The following EGLN1 variants were observed in gnomAD, a reference collection of about 807,000 sequenced individuals.
The protein encoded by EGLN1 is egl-9 family hypoxia inducible factor 1.
EGLN1 carries 17 observed loss-of-function variants against 38.3 expected under a neutral mutation model. The observed-to-expected ratio is 0.44, with a 90% CI of 0.30 to 0.67. The LOEUF is 0.67. EGLN1 is among the 30% of genes least tolerant of loss of function. The probability of loss-of-function intolerance (pLI) is 0.08; values close to 1 mark genes in which losing one functional copy is unlikely to be tolerated. For synonymous variants in EGLN1, 283 were observed against 257.5 expected, an observed-to-expected ratio of 1.10 and a Z score of -0.95; for missense variants, 477 against 603.3, an observed-to-expected ratio of 0.79 and a Z score of 2.19.
intron 2 of EGLN1, 71 bp downstream of exon 2, chr1:231,373,909 G>T: frequency 1.3e-6 from 2 of 1,551,136 alleles, no homozygotes; most frequent in Non-Finnish European, 1.8e-6. Flanking sequence ...CTTATCAGAA[G>T]TATGAAACTT....
intron 1 of EGLN1, among the ~76,000 whole-genome samples, chr1:231,412,401 T>C (rs1688976895): frequency 6.6e-6 from 1 of 152,220 alleles, no homozygotes; most frequent in South Asian, 2.1e-4. Flanking sequence ...CATTTTGACA[T>C]TGAATCTAAA....
rs188705272 is a variant in EGLN1 at position 231,386,385 on chromosome 1, A to G, written c.892-12286T>C. On this transcript the variant is annotated intron_variant, in intron 1 of 4. Coordinates refer to ENST00000366641, the MANE Select transcript of EGLN1 (RefSeq NM_022051.3). ...CTTGTTTTAAGAGCTGAAGTGTTTA[A>G]TCTTTGCATCCATACCACTGCGGGA... 2.6e-4 allele frequency among the ~76,000 whole-genome samples: 39 copies of G among 152,332 alleles called. No homozygotes were observed. The East Asian group carries it at 7.1e-3, about 28-fold the overall frequency.
intron 1 of EGLN1, among the ~76,000 whole-genome samples, chr1:231,419,130 A>C (rs1656463511): frequency 6.6e-6 from 1 of 152,178 alleles, no homozygotes; most frequent in African/African-American, 2.4e-5. Flanking sequence ...ATATAAGCAG[A>C]TCAAATCCAA....
chr1:231,379,031 C>T (rs1411423659), intron 1 of EGLN1, among the ~76,000 whole-genome samples: 1 of 152,126 alleles, frequency 6.6e-6, no homozygotes, highest in East Asian at 1.9e-4. Context: ...CAATTTCTCC[C>T]CCCATTTTAG....
At chr1:231,367,111 T>C (rs1251393743) in intron 4 of EGLN1, among the ~76,000 whole-genome samples, 1 of 152,216 alleles carries the variant, frequency 6.6e-6, no homozygotes, top group Non-Finnish European at 1.5e-5. Context: ...CTGTGTCATT[T>C]ACTGATTTTG....
At chr1:231,394,288 G>C (rs1688461567) in intron 1 of EGLN1, among the ~76,000 whole-genome samples, 2 of 151,838 alleles carry the variant, frequency 1.3e-5, no homozygotes, top group Admixed American at 6.6e-5. Context: ...GGCAATTTCT[G>C]TATTTCTGGT....
chr1:231,409,799 T>C (rs1393837707), intron 1 of EGLN1, among the ~76,000 whole-genome samples: 2 of 152,208 alleles, frequency 1.3e-5, no homozygotes, highest in East Asian at 1.9e-4. Flanking sequence ...TTCTTTATTT[T>C]CTCACCTGTC....
chr1:231,389,041 C>G (rs1251700850), intron 1 of EGLN1, among the ~76,000 whole-genome samples: 11 of 152,162 alleles, frequency 7.2e-5, no homozygotes, highest in African/African-American at 2.7e-4. Context: ...GGAAAATATA[C>G]AGCTCATACA....
At chr1:231,420,793 G>C (rs1053042882) in intron 1 of EGLN1, among the ~76,000 whole-genome samples, 5 of 152,142 alleles carry the variant, frequency 3.3e-5, no homozygotes, top group Admixed American at 6.5e-5. Flanking sequence ...CGGGCAGTAA[G>C]TGGAAAACAG....
At chr1:231,406,557 GA>G (rs1221769756) in intron 1 of EGLN1, among the ~76,000 whole-genome samples, 3 of 152,056 alleles carry the variant, frequency 2.0e-5, no homozygotes, top group African/African-American at 7.2e-5. Context: ...ATTTATGGGG[GA>G]AAAGAAACTC....
intron 1 of EGLN1, among the ~76,000 whole-genome samples, chr1:231,414,540 A>G (rs1689027777): frequency 6.6e-6 from 1 of 152,188 alleles, no homozygotes. Flanking sequence ...GGCTTTAAAT[A>G]GTATCAGAGG....
At chr1:231,409,029 A>T (rs1688862392) in intron 1 of EGLN1, among the ~76,000 whole-genome samples, 1 of 150,972 alleles carries the variant, frequency 6.6e-6, no homozygotes, top group African/African-American at 2.5e-5. Flanking sequence ...AAAAACAAAC[A>T]AACAGGCTTT....
intron 2 of EGLN1, among the ~76,000 whole-genome samples, chr1:231,371,972 G>T (rs540410185): frequency 4.6e-5 from 7 of 152,282 alleles, no homozygotes; most frequent in Non-Finnish European, 8.8e-5. Flanking sequence ...TTCCAGTGTT[G>T]TTCAGAGTGA....
intron 1 of EGLN1, among the ~76,000 whole-genome samples, chr1:231,412,654 T>C (rs1043552943): frequency 1.3e-5 from 2 of 152,106 alleles, no homozygotes; most frequent in African/African-American, 2.4e-5. Context: ...TTAAAACCTC[T>C]AGAGAAGAAA....
At position 231,421,531 on chromosome 1, in the gene EGLN1, G is replaced by A; in HGVS notation, c.358C>T (p.Pro120Ser). The A allele has an allele frequency of 7.7e-7, 1 of 1,300,414 alleles. No individual in the cohort carries two copies. The highest frequency in any genetic ancestry group is 9.7e-7 in the Non-Finnish European group (1 of 1,025,642). The allele number at this position is 1,300,414 out of a possible 1,614,324, so 80.6% of individuals were successfully genotyped here. ...GKVKAKPPAD[P>S]AAAASPCRAA... ...CGACACGGCGACGCGGCCGCCGCTG[G>A]GTCGGCCGGGGGCTTGGCCTTTACT... Residue 120 changes from proline to serine, a missense_variant, in exon 1 of 5, where the codon CCA becomes TCA. Coordinates refer to ENST00000366641, the MANE Select transcript of EGLN1 (RefSeq NM_022051.3). The surrounding 1 kb of genome is among the most constrained non-coding windows in gnomAD (Gnocchi z 5.5).
At chr1:231,381,968 C>A (rs1688088638) in intron 1 of EGLN1, among the ~76,000 whole-genome samples, 1 of 152,228 alleles carries the variant, frequency 6.6e-6, no homozygotes, top group African/African-American at 2.4e-5. Context: ...AATTATACAA[C>A]CTCATTCTAG....
At chr1:231,390,255 G>A (rs764441369) in intron 1 of EGLN1, among the ~76,000 whole-genome samples, 10 of 152,222 alleles carry the variant, frequency 6.6e-5, no homozygotes, top group Admixed American at 6.5e-4. Context: ...AGCCTTCAGC[G>A]CTGTTTCCTC....
intron 1 of EGLN1, among the ~76,000 whole-genome samples, chr1:231,384,917 C>T (rs894754703): frequency 6.6e-6 from 1 of 152,278 alleles, no homozygotes; most frequent in East Asian, 1.9e-4. Context: ...ACCATCTGGC[C>T]CTTGACATAA....
chr1:231,389,524 A>C (rs1572032155), intron 1 of EGLN1, among the ~76,000 whole-genome samples: 2 of 152,220 alleles, frequency 1.3e-5, no homozygotes, highest in South Asian at 4.1e-4. Flanking sequence ...CATGGACTGT[A>C]ATCTCTGGAG....
Sources: gnomAD v4.1 joint callset for allele counts (sites outside exome capture counted in the v4.1 genomes callset) on GRCh38, gnomAD v4.1.1 for gene constraint, Gnocchi (gnomAD v3.1) non-coding constraint, MANE v1.5 for transcripts, NCBI Gene and HGNC (gene_info 2026-07-23, HGNC 2026-07-21) for gene names.